The following GRM1 variants were observed in gnomAD, a reference collection of about 807,000 sequenced individuals.
GRM1 encodes glutamate metabotropic receptor 1.
In GRM1, 33 loss-of-function variants were observed where a neutral mutation model predicts 90.9. That is an observed-to-expected ratio of 0.36 (90% CI 0.28 to 0.49). The LOEUF (loss-of-function observed/expected upper bound fraction) is 0.49, where lower values mean the gene tolerates loss of function less well. GRM1 is among the 20% of genes least tolerant of loss of function. The pLI is 0.99. For synonymous variants in GRM1, 700 were observed against 613.2 expected, an observed-to-expected ratio of 1.14 and a Z score of -2.09; for missense variants, 1,190 against 1,534.3, an observed-to-expected ratio of 0.78 and a Z score of 3.75.
intron 7 of GRM1, among the ~76,000 whole-genome samples, chr6:146,419,827 G>A (rs920512504): frequency 2.0e-5 from 3 of 152,204 alleles, no homozygotes; most frequent in Non-Finnish European, 4.4e-5. Flanking sequence ...GCCTGCTTCC[G>A]TGATGCAATC....
intron 2 of GRM1, among the ~76,000 whole-genome samples, chr6:146,214,633 A>C (rs750019331): frequency 1.1e-4 from 16 of 152,222 alleles, no homozygotes; most frequent in Non-Finnish European, 1.6e-4. Context: ...GGGTGGAGGC[A>C]GACTAGGGGA....
chr6:146,274,403 G>A (rs1052726928), intron 2 of GRM1, among the ~76,000 whole-genome samples: 9 of 152,200 alleles, frequency 5.9e-5, no homozygotes, highest in East Asian at 1.9e-4. Context: ...CCTCCATACC[G>A]TGAAGAAATC....
chr6:146,226,889 T>G (rs914283252), intron 2 of GRM1, among the ~76,000 whole-genome samples: 1 of 152,150 alleles, frequency 6.6e-6, no homozygotes, highest in Non-Finnish European at 1.5e-5. Context: ...GTTACTGCAT[T>G]TGCTCTTTTC....
chr6:146,146,143 A>T (rs1405526962), intron 1 of GRM1, among the ~76,000 whole-genome samples: 7 of 36,954 alleles, frequency 1.9e-4, no homozygotes, highest in South Asian at 1.3e-3. Context: ...TTTTTTTGAG[A>T]CGTGGCGCCA....
chr6:146,079,354 A>G (rs994292582), intron 1 of GRM1, among the ~76,000 whole-genome samples: 5 of 152,180 alleles, frequency 3.3e-5, no homozygotes, highest in African/African-American at 1.2e-4. Flanking sequence ...AGGTGGGGAT[A>G]AGAAGGCCAT....
chr6:146,092,669 A>G (rs1776752476), intron 1 of GRM1, among the ~76,000 whole-genome samples: 1 of 152,008 alleles, frequency 6.6e-6, no homozygotes, highest in Non-Finnish European at 1.5e-5. Context: ...ATCTTGTCAC[A>G]GGTCAGAGGC....
intron 1 of GRM1, among the ~76,000 whole-genome samples, chr6:146,131,492 A>G (rs1776395665): frequency 6.7e-6 from 1 of 150,130 alleles, no homozygotes; most frequent in Admixed American, 6.7e-5. Flanking sequence ...TATATATGAT[A>G]TGGTATATAT....
At chr6:146,100,502 A>C (rs1199101415) in intron 1 of GRM1, among the ~76,000 whole-genome samples, 1 of 152,218 alleles carries the variant, frequency 6.6e-6, no homozygotes, top group African/African-American at 2.4e-5. Context: ...AAGATTAAAA[A>C]GTGGCCTTCC....
At position 146,353,572 on chromosome 6, in the gene GRM1, C is replaced by A. The variant is rs752570886; in HGVS notation, c.1433+1076C>A. Among the ~76,000 whole-genome samples, 3 of 152,324 alleles carry A rather than the reference C, an allele frequency of 2.0e-5. No individual in the cohort carries two copies. In the South Asian group the frequency reaches 6.2e-4, roughly 32 times the overall value. ...GTGCTCTCACTCTGAGGCTTCTAAT[C>A]TTTTACAACATCACACTGCCTTTTA... is the stretch of plus-strand genomic sequence containing the variant. On this transcript the variant is annotated intron_variant, in intron 4 of 7. Transcript: ENST00000282753.
chr6:146,359,802 C>G (rs750243799), intron 5 of GRM1, among the ~76,000 whole-genome samples: 10 of 152,046 alleles, frequency 6.6e-5, no homozygotes, highest in Non-Finnish European at 8.8e-5. Context: ...GAAGGAGATC[C>G]CAGAAGTTGT....
intron 5 of GRM1, among the ~76,000 whole-genome samples, chr6:146,370,242 C>A (rs568392199): frequency 4.6e-5 from 7 of 152,030 alleles, no homozygotes; most frequent in Admixed American, 1.3e-4. Flanking sequence ...TTCCCTAGGC[C>A]CTTTTCTTTC....
intron 2 of GRM1, among the ~76,000 whole-genome samples, chr6:146,291,416 C>T (rs1179570197): frequency 1.3e-5 from 2 of 150,698 alleles, no homozygotes; most frequent in Non-Finnish European, 3.0e-5. Context: ...CTTTGTAAAG[C>T]CTTCCTTGAG....
chr6:146,312,311 GGCCTGGGTGAAAGA>G (rs1335858313), intron 3 of GRM1, among the ~76,000 whole-genome samples: 6 of 137,262 alleles, frequency 4.4e-5, no homozygotes, highest in Admixed American at 2.3e-4. Flanking sequence ...ACTGCAGTCC[GGCCTGGGTGAAAGA>G]GCCTGGGTGA....
At chr6:146,129,872 A>G (rs1776329528) in intron 1 of GRM1, among the ~76,000 whole-genome samples, 1 of 151,556 alleles carries the variant, frequency 6.6e-6, no homozygotes, top group South Asian at 2.1e-4. Context: ...CTGAGCCTGG[A>G]CTCCTAAGGC....
chr6:146,254,762 G>A (rs1230438458), intron 2 of GRM1, among the ~76,000 whole-genome samples: 1 of 152,060 alleles, frequency 6.6e-6, no homozygotes, highest in Non-Finnish European at 1.5e-5. Flanking sequence ...TTGTTATAAT[G>A]TATATAATAT....
rs562472818 is a variant in GRM1, at chr6:146,281,015, G to C, written c.951-23596G>C. Among the ~76,000 whole-genome samples the C allele has an allele frequency of 5.9e-5, 9 of 152,152 alleles. 1 individual carries two copies. In the South Asian group the frequency reaches 1.9e-3, roughly 32 times the overall value. On this transcript the variant is annotated intron_variant, in intron 2 of 7. Coordinates refer to ENST00000282753, the MANE Select transcript of GRM1 (RefSeq NM_001278064.2). The stretch of plus-strand genomic sequence containing the variant: ...TGGAAGACAACTTTATACTAAGAAA[G>C]CTACTTTTTTGTTTATAGGTAACTT...
chr6:146,179,645 C>T (rs1203321138), intron 2 of GRM1, among the ~76,000 whole-genome samples: 3 of 152,166 alleles, frequency 2.0e-5, no homozygotes, highest in Admixed American at 6.5e-5. Context: ...TCCCAAGAAG[C>T]TGGGACTACA....
In GRM1 at chr6:146,398,236, G is replaced by T. The variant is rs141906101; in HGVS notation, c.1730-533G>T. On this transcript the variant is annotated intron_variant, in intron 6 of 7. Coordinates refer to ENST00000282753, the MANE Select transcript of GRM1 (RefSeq NM_001278064.2). ...TAAGGTATAATATAGAGTTATGCAG[G>T]AAACAGGAGAATGCAGATTCTTCTA... Among the ~76,000 whole-genome samples, 416 of 152,250 alleles carry T rather than the reference G, an allele frequency of 2.7e-3. 3 individuals carry two copies. The highest frequency in any genetic ancestry group is 9.8e-3 in the African/African-American group (406 of 41,564).
At chr6:146,382,038 C>T (rs1776336284) in intron 5 of GRM1, among the ~76,000 whole-genome samples, 1 of 152,044 alleles carries the variant, frequency 6.6e-6, no homozygotes, top group Non-Finnish European at 1.5e-5. Flanking sequence ...CACTAACAAG[C>T]ATAGAACCAT....
Sources: allele counts gnomAD v4.1 joint callset (sites outside exome capture counted in the v4.1 genomes callset), GRCh38; gene constraint gnomAD v4.1.1; transcripts MANE v1.5; gene names NCBI Gene and HGNC (gene_info 2026-07-23, HGNC 2026-07-21).